ANK2: variants seen among roughly 807,000 people sequenced by gnomAD.
The protein encoded by ANK2 is ankyrin 2.
ANK2 carries 83 observed loss-of-function variants against 360.5 expected under a neutral mutation model. That is an observed-to-expected ratio of 0.23 (90% CI 0.19 to 0.28). The LOEUF is 0.28. ANK2 is among the 10% of genes least tolerant of loss of function. The pLI is 1.00. For missense variants in ANK2, 4,201 were observed against 4,795.7 expected (o/e 0.88, Z 3.66); for synonymous variants, 1,740 against 1,759.5 (o/e 0.99, Z 0.28).
chr4:112,891,593 A>C (rs908676412), intron 1 of ANK2, among the ~76,000 whole-genome samples: 5 of 152,214 alleles, frequency 3.3e-5, no homozygotes, highest in Non-Finnish European at 7.3e-5. Context: ...AGCTAAGTTC[A>C]AATCCTGATT....
intron 1 of ANK2, among the ~76,000 whole-genome samples, chr4:112,877,619 CT>C (rs2150366551): frequency 6.6e-6 from 1 of 152,300 alleles, no homozygotes; most frequent in Non-Finnish European, 1.5e-5. Flanking sequence ...TGAATGGTTA[CT>C]TGTTCAAAAT....
At chr4:113,130,303 G>C (rs1271732777) in intron 1 of ANK2, among the ~76,000 whole-genome samples, 1 of 152,016 alleles carries the variant, frequency 6.6e-6, no homozygotes, top group Non-Finnish European at 1.5e-5. Flanking sequence ...CTACAGCATG[G>C]CCAAACTCAG....
intron 43 of ANK2, among the ~76,000 whole-genome samples, chr4:113,372,807 A>G (rs1290823029): frequency 6.6e-6 from 1 of 152,214 alleles, no homozygotes; most frequent in Non-Finnish European, 1.5e-5. Context: ...GCTTTCCTCC[A>G]GGAGAGCCAC....
At chr4:113,214,651 A>T (rs983176449) in intron 4 of ANK2, among the ~76,000 whole-genome samples, 6 of 152,172 alleles carry the variant, frequency 3.9e-5, no homozygotes, top group Non-Finnish European at 8.8e-5. Context: ...TACTAAGAGT[A>T]TTAAGCAGCA....
chr4:112,989,092 A>G (rs1224366392), intron 2 of ANK2, among the ~76,000 whole-genome samples: 1 of 152,210 alleles, frequency 6.6e-6, no homozygotes, highest in Non-Finnish European at 1.5e-5. Flanking sequence ...TCTACACTTG[A>G]TCTTAGCCAA....
At chr4:112,736,865 G>A in the ANK2 span, among the ~76,000 whole-genome samples, 1 of 152,332 alleles carries the variant, frequency 6.6e-6, no homozygotes, top group East Asian at 1.9e-4. Flanking sequence ...GAGAGAAAAA[G>A]AATGGAAATG....
At chr4:113,147,821 G>T (rs2096891988) in intron 1 of ANK2, among the ~76,000 whole-genome samples, 1 of 152,194 alleles carries the variant, frequency 6.6e-6, no homozygotes, top group African/African-American at 2.4e-5. Flanking sequence ...ATCACAATTG[G>T]CTTGGCAGCT....
the ANK2 span, among the ~76,000 whole-genome samples, chr4:112,739,563 G>C: frequency 0.013 from 1,983 of 152,286 alleles, 12 homozygotes; most frequent in Admixed American, 0.02. Context: ...GCAGTGAGCT[G>C]AGATTGCACT....
chr4:113,104,675 A>G (rs2093392781), intron 1 of ANK2, among the ~76,000 whole-genome samples: 1 of 152,200 alleles, frequency 6.6e-6, no homozygotes, highest in Admixed American at 6.6e-5. Context: ...AGATTGTGCC[A>G]CTGCACTCCA....
chr4:113,356,373 A>G lies in ANK2; in HGVS notation c.7755A>G (p.Glu2585=). ...GGGAGAAAAAGAGGTTCACACCTGA[A>G]GAGGAGATGTTTAAAATGGTAACCA... ...ENGEKKRFTP[E]EEMFKMVTKI... is the part of the protein sequence containing the mutation. The change falls in exon 38 of 46, where the codon GAA becomes GAG. Residue 2585 remains glutamate, a synonymous_variant. Transcript: ENST00000357077. The G allele has an allele frequency of 1.2e-6, 2 of 1,614,152 alleles. No individual in the cohort carries two copies. The highest frequency in any genetic ancestry group is 1.7e-6 in the Non-Finnish European group (2 of 1,179,990).
intron 1 of ANK2, among the ~76,000 whole-genome samples, chr4:112,872,189 G>A (rs904170474): frequency 1.1e-4 from 17 of 151,940 alleles, no homozygotes; most frequent in Non-Finnish European, 1.9e-4. Flanking sequence ...ACCATGCCCC[G>A]GCTAATTTTT....
chr4:113,149,874 C>CAAAAAAAAAAA lies in ANK2; in HGVS notation c.85-24526_85-24516dup, dbSNP rs34667216. Among the ~76,000 whole-genome samples the CAAAAAAAAAAA allele has an allele frequency of 1.2e-3, 37 of 31,394 alleles. 1 individual carries two copies. The highest frequency in any genetic ancestry group is 1.9e-3 in the African/African-American group (15 of 7,794). The allele number at this position is 31,394 out of a possible 152,430, so 20.6% of individuals were successfully genotyped here. On this transcript the variant is annotated intron_variant, in intron 1 of 45. Transcript: ENST00000357077. ...CTTGCGTGAGAGTGAGACCCTGCCT[C>CAAAAAAAAAAA]AAAAAAAAAAAAAAAAAAAAAAAAA...
chr4:112,778,893 A>G, the ANK2 span, among the ~76,000 whole-genome samples: 1 of 152,204 alleles, frequency 6.6e-6, no homozygotes, highest in Non-Finnish European at 1.5e-5. Context: ...TATAGGCAGT[A>G]CTAGTGCTTT....
chr4:113,375,492 G>A (rs926206669), intron 45 of ANK2, among the ~76,000 whole-genome samples: 5 of 151,964 alleles, frequency 3.3e-5, no homozygotes, highest in Admixed American at 2.0e-4. Flanking sequence ...TTGGGAGGCC[G>A]AGGCAGGCGG....
At chr4:113,010,563 A>G (rs2054386462) in intron 2 of ANK2, among the ~76,000 whole-genome samples, 1 of 152,136 alleles carries the variant, frequency 6.6e-6, no homozygotes, top group African/African-American at 2.4e-5. Flanking sequence ...TGGGGAAAAC[A>G]GTCATTAGAT....
In ANK2 at chr4:113,335,884, T is replaced by G; in HGVS notation, c.3418T>G (p.Cys1140Gly). ...SPEDLEKKRI[C>G]RIITRDFPQY... ...AGAAGACCTAGAAAAGAAACGAATC[T>G]GCCGCATCATCACCCGAGACTTCCC... Residue 1140 changes from cysteine (C) to glycine (G), a missense_variant, in exon 30 of 46, where the codon TGC becomes GGC. This residue lies in a region of ANK2 where 1,268 missense variants were observed against 1,650.8 expected (regional missense o/e 0.77). Transcript: ENST00000357077. 1 of 1,614,232 alleles carries G rather than the reference T, an allele frequency of 6.2e-7. No individual in the cohort carries two copies. The highest frequency in any genetic ancestry group is 8.5e-7 in the Non-Finnish European group (1 of 1,180,042).
chr4:112,796,140 C>T, the ANK2 span, among the ~76,000 whole-genome samples: 3 of 152,062 alleles, frequency 2.0e-5, no homozygotes, highest in East Asian at 3.9e-4. Context: ...ATATACATAT[C>T]GTGGTTGAGT....
chr4:113,356,757 C>T lies in ANK2; in HGVS notation c.8139C>T (p.Val2713=), dbSNP rs564510599. The T allele has an allele frequency of 2.7e-5, 43 of 1,613,908 alleles. No homozygotes were observed. The highest frequency in any genetic ancestry group is 1.0e-4 in the Admixed American group (6 of 59,990). The change falls in exon 38 of 46, where the codon GTC becomes GTT. Residue 2713 remains valine, a synonymous_variant. Transcript: ENST00000357077. The stretch of plus-strand genomic sequence containing the variant: ...CAGAAGAAGTACAATTCCAGCCTGT[C>T]GTTTCCAAACAATATACTTTCAAGA... ...SSPEEVQFQP[V]VSKQYTFKMN...
intron 2 of ANK2, among the ~76,000 whole-genome samples, chr4:113,023,235 C>A (rs2058556253): frequency 6.6e-6 from 1 of 152,228 alleles, no homozygotes; most frequent in Admixed American, 6.5e-5. Flanking sequence ...CAGATCACAT[C>A]TTACATTTCA....
Sources: gnomAD v4.1 joint callset for allele counts (sites outside exome capture counted in the v4.1 genomes callset) on GRCh38, gnomAD v4.1.1 for gene constraint, gnomAD v4.1.1 regional missense constraint, MANE v1.5 for transcripts, NCBI Gene and HGNC (gene_info 2026-07-23, HGNC 2026-07-21) for gene names.